ESYT2: variants seen among roughly 807,000 people sequenced by gnomAD.
The protein encoded by ESYT2 is extended synaptotagmin-2.
Under a neutral mutation model 107.2 loss-of-function variants are expected in ESYT2, and 54 were observed. The ratio of observed to expected loss-of-function variants is 0.50; its 90% CI spans 0.40 to 0.63. The LOEUF is 0.63. Among genes scored for constraint, ESYT2 ranks in the 30% least tolerant of loss-of-function variants. The pLI is 0.00. For synonymous variants in ESYT2, 491 were observed against 434.1 expected (o/e 1.13, Z -1.63); for missense variants, 1,020 against 1,094.5 (o/e 0.93, Z 0.96).
At chr7:158,782,575 GAAC>G (rs767909445) in intron 6 of ESYT2, among the ~76,000 whole-genome samples, 15 of 120,374 alleles carry the variant, frequency 1.2e-4, no homozygotes, top group Non-Finnish European at 2.7e-4. Context: ...GGGAGTGTGA[GAAC>G]AAAGAATGAG....
At chr7:158,819,057 A>G (rs544745711) in intron 1 of ESYT2, among the ~76,000 whole-genome samples, 3 of 152,406 alleles carry the variant, frequency 2.0e-5, no homozygotes, top group East Asian at 1.9e-4. Context: ...AGTTAAAAAT[A>G]CTTGTAACTG....
intron 16 of ESYT2, among the ~76,000 whole-genome samples, chr7:158,745,624 G>A (rs1837376240): frequency 6.6e-6 from 1 of 152,052 alleles, no homozygotes; most frequent in Non-Finnish European, 1.5e-5. Context: ...AACATAAAAG[G>A]GCTCATGTCA....
chr7:158,792,772 T>G (rs13244078), intron 4 of ESYT2, among the ~76,000 whole-genome samples: 29 of 117,488 alleles, frequency 2.5e-4, no homozygotes, highest in South Asian at 5.2e-4. Context: ...GGGTTTTTTT[T>G]TTTTTTTTTT....
intron 3 of ESYT2, among the ~76,000 whole-genome samples, chr7:158,797,013 A>G (rs1449538443): frequency 8.5e-5 from 1 of 11,832 alleles, no homozygotes; most frequent in African/African-American, 2.8e-4. Flanking sequence ...CAGACGGGAA[A>G]GGGCACTGCA....
chr7:158,782,613 A>C (rs1307015573), intron 6 of ESYT2, among the ~76,000 whole-genome samples: 1 of 150,476 alleles, frequency 6.6e-6, no homozygotes, highest in Non-Finnish European at 1.5e-5. Context: ...AGCGTGTGAC[A>C]AATGAGAACA....
At chr7:158,744,051 G>C (rs1837316135) in intron 16 of ESYT2, 1 of 175,204 alleles carries the variant, frequency 5.7e-6, no homozygotes, top group East Asian at 1.8e-4. Context: ...TCCAGCCTGG[G>C]TGACAAAACT....
intron 6 of ESYT2, among the ~76,000 whole-genome samples, chr7:158,776,719 G>A (rs1039570028): frequency 2.6e-5 from 4 of 152,190 alleles, no homozygotes; most frequent in Non-Finnish European, 5.9e-5. Flanking sequence ...TGTGTTCACT[G>A]GAGCAGCACT....
At chr7:158,741,470 G>A (rs896945819) in intron 18 of ESYT2, 53 bp downstream of exon 18, 2 of 1,389,076 alleles carry the variant, frequency 1.4e-6, no homozygotes, top group African/African-American at 4.2e-5. Flanking sequence ...CCCAGCGTGG[G>A]GTGGGGGGCG....
chr7:158,826,680 G>A (rs1433661968), intron 1 of ESYT2, among the ~76,000 whole-genome samples: 1 of 151,708 alleles, frequency 6.6e-6, no homozygotes, highest in African/African-American at 2.4e-5. Flanking sequence ...AATTAACTGG[G>A]TGTGGTGGTG....
intron 1 of ESYT2, among the ~76,000 whole-genome samples, chr7:158,806,151 A>AGGTGCCGGGGCACACCGCGTG (rs1839828223): frequency 7.4e-6 from 1 of 134,870 alleles, no homozygotes; most frequent in African/African-American, 3.1e-5. Flanking sequence ...CACACCGCGT[A>AGGTGCCGGGGCACACCGCGTG]GGAGGCGCTG....
intron 9 of ESYT2, among the ~76,000 whole-genome samples, 165 bp from the exon 10 acceptor site, chr7:158,763,330 T>A (rs1355189227): frequency 6.6e-6 from 1 of 152,170 alleles, no homozygotes; most frequent in Non-Finnish European, 1.5e-5. Context: ...AGTCTCGCTC[T>A]ATCTCCCAGG....
At chr7:158,750,977 G>A (rs1283441137) in intron 14 of ESYT2, among the ~76,000 whole-genome samples, 1 of 152,212 alleles carries the variant, frequency 6.6e-6, no homozygotes, top group African/African-American at 2.4e-5. Flanking sequence ...ATTAGATACA[G>A]AAACCAAGTG....
chr7:158,764,994 C>G (rs542998763), intron 8 of ESYT2, 141 bp from the exon 9 acceptor site: 1 of 788,264 alleles, frequency 1.3e-6, no homozygotes, highest in East Asian at 2.6e-5. Context: ...GAGTACATCC[C>G]AGCAGCGGGG....
At chr7:158,811,101 G>T (rs1002794893) in intron 1 of ESYT2, among the ~76,000 whole-genome samples, 1 of 151,582 alleles carries the variant, frequency 6.6e-6, no homozygotes, top group Non-Finnish European at 1.5e-5. Flanking sequence ...TCAAGACTGC[G>T]GTGAGCCATG....
Position 158,782,503 on chromosome 7 carries a change from G to A in ESYT2, c.747+5501C>T, listed in dbSNP as rs1015529906. ...AGTGAGAGGTGTGTGTGAAACAAGT[G>A]AGAACAAGTGTGAGTGGAATAGCGA... On this transcript the variant is annotated intron_variant, in intron 6 of 22. Transcript: ENST00000275418. Among the ~76,000 whole-genome samples the A allele has an allele frequency of 2.3e-4, 28 of 120,256 alleles. 1 individual carries two copies. The highest frequency in any genetic ancestry group is 6.2e-4 in the Admixed American group (7 of 11,212). 78.9% of individuals were successfully genotyped at this position (120,256 alleles called of 152,430 possible).
intron 7 of ESYT2, 111 bp from the exon 8 acceptor site, chr7:158,767,885 G>A (rs1029151872): frequency 4.6e-6 from 6 of 1,290,452 alleles, no homozygotes; most frequent in Non-Finnish European, 6.2e-6. Context: ...TTTATTTACA[G>A]AGTAGGAGTT....
intron 1 of ESYT2, among the ~76,000 whole-genome samples, chr7:158,824,147 G>A (rs570314613): frequency 6.6e-6 from 1 of 152,264 alleles, no homozygotes. Context: ...TCAGACCACA[G>A]AACTGAAGCA....
At chr7:158,755,758 C>T (rs1310290093) in intron 13 of ESYT2, among the ~76,000 whole-genome samples, 1 of 152,180 alleles carries the variant, frequency 6.6e-6, no homozygotes, top group Non-Finnish European at 1.5e-5. Context: ...GCTCACCTAA[C>T]CCCTCAGGGT....
At chr7:158,793,291 CT>C (rs1391222629) in intron 4 of ESYT2, among the ~76,000 whole-genome samples, 2 of 152,076 alleles carry the variant, frequency 1.3e-5, no homozygotes, top group African/African-American at 4.8e-5. Flanking sequence ...TCTTTGCATT[CT>C]GGGAATAAAT....
Sources: allele counts gnomAD v4.1 joint callset (sites outside exome capture counted in the v4.1 genomes callset), GRCh38; gene constraint gnomAD v4.1.1; transcripts MANE v1.5; gene names NCBI Gene and HGNC (gene_info 2026-07-23, HGNC 2026-07-21).